Variants in LRRIQ3 observed in about 807,000 individuals in gnomAD.
LRRIQ3 encodes the protein leucine rich repeats and IQ motif containing 3, also known as leucine-rich repeat and IQ domain-containing protein 3.
A neutral mutation model predicts 59.3 loss-of-function variants in LRRIQ3; 75 were observed. The observed-to-expected ratio is 1.26, with a 90% CI of 1.05 to 1.53. LRRIQ3 has a LOEUF of 1.53. LRRIQ3 is among the 40% of genes most tolerant of loss of function. The pLI, the probability that LRRIQ3 is intolerant of heterozygous loss-of-function variation, is 0.00. For synonymous variants in LRRIQ3, 250 were observed against 231.3 expected, an observed-to-expected ratio of 1.08 and a Z score of -0.73; for missense variants, 831 against 710.0, an observed-to-expected ratio of 1.17 and a Z score of -1.94.
At chr1:74,082,585 A>T (rs1646285437) in intron 5 of LRRIQ3, 2 of 151,680 alleles carry the variant, frequency 1.3e-5, no homozygotes, top group African/African-American at 4.8e-5. Flanking sequence ...AAAAGCCACA[A>T]ACGGGGACTT....
chr1:74,172,632 T>C (rs1649396353), intron 3 of LRRIQ3, among the ~76,000 whole-genome samples: 2 of 152,176 alleles, frequency 1.3e-5, no homozygotes, highest in Non-Finnish European at 2.9e-5. Flanking sequence ...TCCCTATCAA[T>C]TTACTTTCTG....
At chr1:74,121,792 T>A (rs1646861302) in intron 4 of LRRIQ3, among the ~76,000 whole-genome samples, 1 of 138,612 alleles carries the variant, frequency 7.2e-6, no homozygotes, top group Non-Finnish European at 1.5e-5. Flanking sequence ...GTCCATGTGT[T>A]CTCAGTGTTC....
At chr1:74,188,518 A>G (rs1423972739) in intron 1 of LRRIQ3, among the ~76,000 whole-genome samples, 3 of 152,090 alleles carry the variant, frequency 2.0e-5, no homozygotes. Context: ...TCTCAGTGTA[A>G]CCTTCTTTGG....
At chr1:74,143,728 A>G (rs1467922312) in intron 4 of LRRIQ3, among the ~76,000 whole-genome samples, 1 of 151,384 alleles carries the variant, frequency 6.6e-6, no homozygotes, top group Non-Finnish European at 1.5e-5. Context: ...TCTTTTATAT[A>G]TTATATATTA....
intron 4 of LRRIQ3, among the ~76,000 whole-genome samples, chr1:74,136,777 C>T (rs1490499586): frequency 6.6e-6 from 1 of 151,866 alleles, no homozygotes; most frequent in Non-Finnish European, 1.5e-5. Flanking sequence ...ATTCTTCATT[C>T]CTTCCACTCT....
chr1:74,180,939 A>T (rs915310363), intron 3 of LRRIQ3: 9 of 703,074 alleles, frequency 1.3e-5, no homozygotes, highest in African/African-American at 1.3e-4. Context: ...ACACTAGCTG[A>T]CATTTTATGG....
intron 5 of LRRIQ3, among the ~76,000 whole-genome samples, chr1:74,098,546 A>C (rs1451513499): frequency 6.6e-6 from 1 of 152,164 alleles, no homozygotes; most frequent in Non-Finnish European, 1.5e-5. Flanking sequence ...GCTCTGCACC[A>C]AGCAGACCTA....
intron 6 of LRRIQ3, among the ~76,000 whole-genome samples, chr1:74,053,957 G>A (rs1654448018): frequency 6.6e-6 from 1 of 152,102 alleles, no homozygotes; most frequent in Admixed American, 6.6e-5. Context: ...GACTGGCAGT[G>A]TTTACAAAAC....
chr1:74,045,364 A>G (rs1045389607), intron 6 of LRRIQ3, among the ~76,000 whole-genome samples: 1 of 152,198 alleles, frequency 6.6e-6, no homozygotes, highest in African/African-American at 2.4e-5. Context: ...TAAAAGCCAC[A>G]TGATTATCTC....
At chr1:74,094,918 A>G (rs192202562) in intron 5 of LRRIQ3, 1 of 152,194 alleles carries the variant, frequency 6.6e-6, no homozygotes, top group East Asian at 1.9e-4. Flanking sequence ...TAGTCATTCC[A>G]ATCTTATTCT....
chr1:74,026,931 A>G lies in LRRIQ3; in HGVS notation c.1757T>C (p.Phe586Ser). 1 of 1,587,438 alleles carries G rather than the reference A, an allele frequency of 6.3e-7. No individual in the cohort carries two copies. The highest frequency in any genetic ancestry group is 8.6e-7 in the Non-Finnish European group (1 of 1,162,602). The change falls in exon 8 of 8, where the codon TTT becomes TCT. Residue 586 changes from phenylalanine (F) to serine (S), a missense_variant. Coordinates refer to ENST00000354431, the MANE Select transcript of LRRIQ3 (RefSeq NM_001105659.2). ...EIYKRHCEEK[F>S]VMDMIAFEKA... The stretch of plus-strand genomic sequence containing the variant: ...TTCAAAGGCAATCATATCCATAACA[A>G]ATTTTTCTTCACAATGTCTTTTATA...
intron 4 of LRRIQ3, among the ~76,000 whole-genome samples, chr1:74,147,209 A>G (rs1174110131): frequency 2.0e-5 from 3 of 152,226 alleles, no homozygotes; most frequent in Admixed American, 1.3e-4. Context: ...ATCCTGGACT[A>G]CAGGTAAGAC....
chr1:74,123,745 G>A lies in LRRIQ3; in HGVS notation c.708-14192C>T, dbSNP rs577169435. Reference sequence around the variant, plus strand: ...TAGGTTACTTTCAAATCTTGGCTATGGTGAATATTGCCACAATAAACATAG... The same window carrying A: ...TAGGTTACTTTCAAATCTTGGCTATAGTGAATATTGCCACAATAAACATAG... On this transcript the variant is annotated intron_variant, in intron 4 of 7. Transcript: ENST00000354431. Among the ~76,000 whole-genome samples the A allele has an allele frequency of 9.4e-4, 143 of 152,016 alleles. 1 individual carries two copies. The highest frequency in any genetic ancestry group is 3.2e-3 in the African/African-American group (131 of 41,526).
intron 4 of LRRIQ3, among the ~76,000 whole-genome samples, chr1:74,150,156 C>T (rs1410500292): frequency 6.6e-6 from 1 of 152,142 alleles, no homozygotes; most frequent in African/African-American, 2.4e-5. Context: ...GGAACTCTGG[C>T]AGCCATTTTG....
intron 4 of LRRIQ3, among the ~76,000 whole-genome samples, chr1:74,140,077 C>T (rs1647205582): frequency 6.6e-6 from 1 of 151,640 alleles, no homozygotes; most frequent in East Asian, 2.0e-4. Flanking sequence ...TTTAATACCC[C>T]AAACATCAGG....
Position 74,074,805 on chromosome 1 carries a change from T to G in LRRIQ3, c.868-15A>C. The G allele has an allele frequency of 1.6e-6, 2 of 1,223,634 alleles. No individual in the cohort carries two copies. Among genetic ancestry groups the G allele is most frequent in the Non-Finnish European group, 2.2e-6 (2 of 909,980 alleles). 75.8% of individuals were successfully genotyped at this position (1,223,634 alleles called of 1,614,324 possible). On this transcript the variant is annotated splice_polypyrimidine_tract_variant and intron_variant, in intron 5 of 7. Transcript: ENST00000354431. Reference sequence around the variant, plus strand: ...TAATATATATTCTGTGAAAATAAAATAAAAGCAATGACAATGATAATATCT... The same window carrying G: ...TAATATATATTCTGTGAAAATAAAAGAAAAGCAATGACAATGATAATATCT...
chr1:74,179,799 G>T (rs1476729609), intron 3 of LRRIQ3: 1 of 151,802 alleles, frequency 6.6e-6, no homozygotes, highest in Non-Finnish European at 1.5e-5. Context: ...TCAGCATTTG[G>T]TATGCCTATA....
intron 6 of LRRIQ3, among the ~76,000 whole-genome samples, chr1:74,053,186 A>AC (rs1192028004): frequency 6.6e-6 from 1 of 151,584 alleles, no homozygotes; most frequent in Non-Finnish European, 1.5e-5. Context: ...CCAAAAAAAA[A>AC]AAAAAAAACA....
chr1:74,091,431 A>G (rs1306262124), intron 5 of LRRIQ3, among the ~76,000 whole-genome samples: 1 of 152,120 alleles, frequency 6.6e-6, no homozygotes, highest in African/African-American at 2.4e-5. Context: ...CAAAGACTAT[A>G]GAGTTACTCT....
Sources: allele counts gnomAD v4.1 joint callset (sites outside exome capture counted in the v4.1 genomes callset), GRCh38; gene constraint gnomAD v4.1.1; transcripts MANE v1.5; gene names NCBI Gene and HGNC (gene_info 2026-07-23, HGNC 2026-07-21).